Variants in CIBAR2 observed in about 807,000 individuals in gnomAD.
The protein encoded by CIBAR2 is CBY1-interacting BAR domain-containing protein 2.
In CIBAR2, 38 loss-of-function variants were observed where a neutral mutation model predicts 36.2. The observed-to-expected ratio is 1.05, with a 90% CI of 0.81 to 1.38. The LOEUF is 1.38. CIBAR2 is among the 40% of genes most tolerant of loss of function. The probability of loss-of-function intolerance (pLI) is 0.00; values close to 1 mark genes in which losing one functional copy is unlikely to be tolerated. For synonymous variants in CIBAR2, 182 were observed against 149.5 expected (o/e 1.22, Z -1.58); for missense variants, 481 against 383.4 (o/e 1.25, Z -2.13).
chr16:85,100,001 C>G, intron 8 of CIBAR2, 138 bp downstream of exon 8: 1 of 674,202 alleles, frequency 1.5e-6, no homozygotes, highest in East Asian at 2.9e-5. Context: ...CATGCTCCCA[C>G]CACCCCTGCC....
intron 1 of CIBAR2, among the ~76,000 whole-genome samples, chr16:85,111,102 C>A (rs111226199): frequency 6.6e-6 from 1 of 152,088 alleles, no homozygotes; most frequent in African/African-American, 2.4e-5. Flanking sequence ...GCCAGGGAGG[C>A]CTGGCCTCTC....
chr16:85,107,673 C>A lies in CIBAR2; in HGVS notation c.427-1G>T. On this transcript the variant is annotated splice_acceptor_variant, in intron 4 of 8. Coordinates refer to ENST00000539556, the MANE Select transcript of CIBAR2 (RefSeq NM_198491.3). LOFTEE classifies it high-confidence loss of function. Reference sequence around the variant, plus strand: ...ACAGACATGTGACACTCACCTGGGACTGAAAAACGTGCTGTTAAGGAACCA... The same window carrying A: ...ACAGACATGTGACACTCACCTGGGAATGAAAAACGTGCTGTTAAGGAACCA... 1 of 1,614,072 alleles carries A rather than the reference C, an allele frequency of 6.2e-7. No individual in the cohort carries two copies.
intron 8 of CIBAR2, among the ~76,000 whole-genome samples, chr16:85,099,771 A>G (rs1226300352): frequency 1.2e-4 from 17 of 144,106 alleles, no homozygotes; most frequent in Admixed American, 2.8e-4. Flanking sequence ...TTACAGGCAT[A>G]CACCACCACA....
rs563032952 is a variant in CIBAR2, at chr16:85,101,738, C to T, written c.651+476G>A. Among the ~76,000 whole-genome samples the T allele has an allele frequency of 4.6e-5, 7 of 151,488 alleles. No homozygotes were observed. In the East Asian group the frequency reaches 5.8e-4, roughly 13 times the overall value. ...AGGCTGGAGTGCAGTGGCACGATCT[C>T]GGCTCACTGCAACCTCCACCTCCCG... On this transcript the variant is annotated intron_variant, in intron 7 of 8. Coordinates refer to ENST00000539556, the MANE Select transcript of CIBAR2 (RefSeq NM_198491.3).
intron 5 of CIBAR2, 137 bp downstream of exon 5, chr16:85,107,530 C>G: frequency 1.1e-6 from 1 of 909,088 alleles, no homozygotes; most frequent in African/African-American, 1.6e-5. Context: ...TTACTGGTAC[C>G]TTTGGCTTTC....
chr16:85,102,187 A>G (rs754813378), intron 7 of CIBAR2, 27 bp downstream of exon 7: 26 of 1,299,124 alleles, frequency 2.0e-5, no homozygotes, highest in South Asian at 1.3e-4. Flanking sequence ...ACTCCACCAT[A>G]TAGGAAACGG....
At chr16:85,100,293 G>T (rs2073945698) in intron 7 of CIBAR2, 53 bp from the exon 8 acceptor site, 2 of 1,224,458 alleles carry the variant, frequency 1.6e-6, no homozygotes, top group African/African-American at 1.5e-5. Flanking sequence ...CACAGCGTGG[G>T]TTGGGGGAGT....
At chr16:85,100,033 T>G in intron 8 of CIBAR2, 106 bp downstream of exon 8, 1 of 850,022 alleles carries the variant, frequency 1.2e-6, no homozygotes, top group Non-Finnish European at 1.8e-6. Context: ...CCATTTCAAA[T>G]TCGAGTTCTC....
In CIBAR2 at chr16:85,100,152, G is replaced by A. The variant is rs1473218643; in HGVS notation, c.740C>T (p.Ser247Phe). 2 of 1,610,354 alleles carry A rather than the reference G, an allele frequency of 1.2e-6. No homozygotes were observed. The highest frequency in any genetic ancestry group is 2.2e-5 in the South Asian group (2 of 89,820). The change falls in exon 8 of 9, where the codon TCT becomes TTT. Residue 247 changes from serine (S) to phenylalanine (F), a missense_variant. By Grantham distance (155) the Ser-to-Phe change is radical. Coordinates refer to ENST00000539556, the MANE Select transcript of CIBAR2 (RefSeq NM_198491.3). ...CCACACGCTCACCTGGCTGGCGAGA[G>A]ACTGAAGAACAGATGGAGGGGGGCT... ...NTSPPPSVLQ[S>F]LASQGTLQVQ...
At chr16:85,102,138 G>A (rs903798190) in intron 7 of CIBAR2, 76 bp downstream of exon 7, 7 of 795,842 alleles carry the variant, frequency 8.8e-6, no homozygotes, top group African/African-American at 1.7e-5. Context: ...CAACAAAAAC[G>A]ACTTCTATCA....
At chr16:85,108,531 T>C (rs1050531495) in intron 2 of CIBAR2, among the ~76,000 whole-genome samples, 4 of 152,198 alleles carry the variant, frequency 2.6e-5, no homozygotes, top group African/African-American at 9.6e-5. Flanking sequence ...CAAACCCACT[T>C]TGCGGATGAG....
At chr16:85,100,306 G>A in intron 7 of CIBAR2, 66 bp from the exon 8 acceptor site, 2 of 1,036,500 alleles carry the variant, frequency 1.9e-6, no homozygotes, top group South Asian at 2.9e-5. Context: ...GGGGGAGTGG[G>A]ATGGAAAGAC....
Position 85,100,244 on chromosome 16 carries a change from C to T in CIBAR2, c.652-4G>A. 1.2e-6 allele frequency: 2 copies of T among 1,601,546 alleles called. No homozygotes were observed. The highest frequency in any genetic ancestry group is 1.7e-5 in the Admixed American group (1 of 58,076). ...CTTGCATCTTGGCTCTAAAATCCTGCCGGGGAGAGACCAGGGTGGGTGGGA... is the reference window on the plus strand; with the variant it reads ...CTTGCATCTTGGCTCTAAAATCCTGTCGGGGAGAGACCAGGGTGGGTGGGA... On this transcript the variant is annotated splice_polypyrimidine_tract_variant and splice_region_variant and intron_variant, in intron 7 of 8. Transcript: ENST00000539556.
At position 85,110,346 on chromosome 16, in the gene CIBAR2, C is replaced by G; in HGVS notation, c.135G>C (p.Lys45Asn). The G allele has an allele frequency of 6.2e-7, 1 of 1,613,544 alleles. No individual in the cohort carries two copies. The highest frequency in any genetic ancestry group is 8.5e-7 in the Non-Finnish European group (1 of 1,179,804). The change falls in exon 2 of 9, where the codon AAG (lysine) becomes AAC (asparagine). Residue 45 changes from lysine to asparagine, a missense_variant. Lys to Asn is a moderately conservative substitution (Grantham distance 94, BLOSUM62 0). Transcript: ENST00000539556. Reference protein sequence around the residue: ...YTRKTARLRDKADQLVKQLID... With the variant: ...YTRKTARLRDNADQLVKQLID... ...TGAGCTGCTTGACCAGCTGGTCCGC[C>G]TTGTCCCGCAGCCGGGCCGTCTTGC...
rs370905218 is a variant in CIBAR2, at chr16:85,098,823, C to T, written c.*362G>A. 4.0e-5 allele frequency: 9 copies of T among 226,290 alleles called. No homozygotes were observed. In the South Asian group the frequency reaches 7.0e-4, roughly 18 times the overall value. The allele number at this position is 226,290 out of a possible 1,614,324, so 14.0% of individuals were successfully genotyped here. A position where few individuals can be genotyped will look rare whatever the true frequency, so the allele number is the denominator to read the frequency against. On this transcript the variant is annotated 3_prime_UTR_variant, in exon 9 of 9. Coordinates refer to ENST00000539556, the MANE Select transcript of CIBAR2 (RefSeq NM_198491.3). The stretch of plus-strand genomic sequence containing the variant: ...ATCTGATACTCAGCACAGCCCTACA[C>T]GGAGGTTACTGTTCTAAGCCACTCT...
At position 85,105,305 on chromosome 16, in the gene CIBAR2, C is replaced by G. The variant is rs757460318; in HGVS notation, c.537+22G>C. 3 of 1,535,250 alleles carry G rather than the reference C, an allele frequency of 2.0e-6. No individual in the cohort carries two copies. The African/African-American group carries it at 4.1e-5, about 21-fold the overall frequency. ...ACACAAGGCAGCCCAGGGCGCCTCC[C>G]ATCCCGGCCAACCACCCTCACCTGC... On this transcript the variant is annotated intron_variant, in intron 6 of 8. Coordinates refer to ENST00000539556, the MANE Select transcript of CIBAR2 (RefSeq NM_198491.3).
rs916731354 is a variant in CIBAR2, at chr16:85,106,987, A to C, written c.432+680T>G. 2.0e-5 allele frequency among the ~76,000 whole-genome samples: 3 copies of C among 152,156 alleles called. 1 individual carries two copies. Among genetic ancestry groups the C allele is most frequent in the African/African-American group, 7.2e-5 (3 of 41,418 alleles). ...ATGGCAAAACCCCGTCTCTGCTAAA[A>C]ATATAAAAATTAGCCAGGCACAGTG... On this transcript the variant is annotated intron_variant, in intron 5 of 8. Transcript: ENST00000539556.
intron 1 of CIBAR2, 52 bp downstream of exon 1, chr16:85,112,281 C>G (rs2074048944): frequency 1.4e-5 from 22 of 1,601,844 alleles, no homozygotes; most frequent in Admixed American, 3.3e-5. Context: ...CCCCGGGCCT[C>G]AAAACCCGAC....
At position 85,112,412 on chromosome 16, in the gene CIBAR2, T is replaced by C; in HGVS notation, c.-60A>G. The stretch of plus-strand genomic sequence containing the variant: ...AATAAGGACAGGGCCCCAGGGGTCC[T>C]GCAGGCCTGGGAGGAGCCGGGCAGG... On this transcript the variant is annotated 5_prime_UTR_variant, in exon 1 of 9. Coordinates refer to ENST00000539556, the MANE Select transcript of CIBAR2 (RefSeq NM_198491.3). 6.4e-7 allele frequency: 1 copy of C among 1,560,344 alleles called. No homozygotes were observed. The highest frequency in any genetic ancestry group is 2.2e-5 in the East Asian group (1 of 44,728).
Sources: allele counts gnomAD v4.1 joint callset (sites outside exome capture counted in the v4.1 genomes callset), GRCh38; gene constraint gnomAD v4.1.1; transcripts MANE v1.5; gene names NCBI Gene and HGNC (gene_info 2026-07-23, HGNC 2026-07-21).